The following PCDHGA1 variants were observed in gnomAD, a reference collection of about 807,000 sequenced individuals.
PCDHGA1 encodes the protein protocadherin gamma subfamily A, 1, also known as protocadherin gamma-A1.
In PCDHGA1, 32 loss-of-function variants were observed where a neutral mutation model predicts 58.0. The ratio of observed to expected loss-of-function variants is 0.55; its 90% CI spans 0.42 to 0.74. The LOEUF (loss-of-function observed/expected upper bound fraction) is 0.74. Ranked by LOEUF, PCDHGA1 falls within the 30% of genes least tolerant of loss-of-function variation. PCDHGA1 has a pLI of 0.00. For synonymous variants in PCDHGA1, 498 were observed against 501.1 expected, an observed-to-expected ratio of 0.99 and a Z score of 0.08; for missense variants, 1,205 against 1,182.3, an observed-to-expected ratio of 1.02 and a Z score of -0.28.
intron 1 of PCDHGA1, chr5:141,345,126 G>C (rs1757523003): frequency 6.2e-7 from 1 of 1,613,884 alleles, no homozygotes; most frequent in African/African-American, 1.3e-5. Flanking sequence ...CGTTGGAAGA[G>C]AAATTGCTCT....
At chr5:141,374,864 G>A (rs1342499165) in intron 1 of PCDHGA1, 4 of 1,613,748 alleles carry the variant, frequency 2.5e-6, no homozygotes, top group Non-Finnish European at 3.4e-6. Flanking sequence ...AGGCACACCA[G>A]TGTTGGCAGT....
At chr5:141,457,940 T>G (rs541807221) in intron 1 of PCDHGA1, among the ~76,000 whole-genome samples, 2 of 152,356 alleles carry the variant, frequency 1.3e-5, no homozygotes, top group East Asian at 3.9e-4. Flanking sequence ...TTTTATTGGC[T>G]CTGCATGTCA....
chr5:141,409,951 G>C (rs1480000390), intron 1 of PCDHGA1: 1 of 1,613,256 alleles, frequency 6.2e-7, no homozygotes, highest in Non-Finnish European at 8.5e-7. Flanking sequence ...GCTCTGCAGA[G>C]CCCGGCTACC....
intron 1 of PCDHGA1, among the ~76,000 whole-genome samples, chr5:141,381,960 G>A (rs1283229818): frequency 6.6e-6 from 1 of 150,482 alleles, no homozygotes; most frequent in East Asian, 2.0e-4. Flanking sequence ...CTCCTGAGTA[G>A]CTGGGATTAC....
At chr5:141,381,820 C>CT (rs1279410534) in intron 1 of PCDHGA1, among the ~76,000 whole-genome samples, 1,304 of 119,684 alleles carry the variant, frequency 0.011, 14 homozygotes, top group African/African-American at 0.028. Context: ...TTCTTTCTTT[C>CT]TTCTTCTTTT....
At chr5:141,341,386 G>A in intron 1 of PCDHGA1, 2 of 1,614,166 alleles carry the variant, frequency 1.2e-6, no homozygotes, top group Non-Finnish European at 1.7e-6. Flanking sequence ...GAGAAGAAAC[G>A]TTTTCTCAGG....
intron 1 of PCDHGA1, among the ~76,000 whole-genome samples, chr5:141,443,866 T>C (rs1017854695): frequency 6.6e-6 from 1 of 151,986 alleles, no homozygotes; most frequent in Non-Finnish European, 1.5e-5. Context: ...ACTGAAAAAA[T>C]TACTGATAAG....
At chr5:141,506,829 T>C (rs1449718553) in intron 3 of PCDHGA1, among the ~76,000 whole-genome samples, 1 of 152,182 alleles carries the variant, frequency 6.6e-6, no homozygotes, top group African/African-American at 2.4e-5. Context: ...CATGAACTGA[T>C]AGCCCTGCCC....
chr5:141,366,256 C>T (rs751677361), intron 1 of PCDHGA1: 9 of 1,613,584 alleles, frequency 5.6e-6, no homozygotes, highest in African/African-American at 2.7e-5. Context: ...AGCAGAGCCT[C>T]GTGGTGGCCG....
chr5:141,505,436 T>C lies in PCDHGA1; in HGVS notation c.2524T>C (p.Phe842Leu). 1.2e-6 allele frequency: 2 copies of C among 1,614,118 alleles called. No homozygotes were observed. The highest frequency in any genetic ancestry group is 1.7e-6 in the Non-Finnish European group (2 of 1,179,998). ...DDTGTWPNNQ[F>L]DTEMLQAMIL... is the part of the protein sequence containing the mutation. ...CACCGGCACCTGGCCCAACAACCAG[T>C]TTGACACAGAGATGCTGCAAGCCAT... Residue 842 changes from phenylalanine (F) to leucine (L), a missense_variant, in exon 3 of 4, where the codon TTT becomes CTT. Phe to Leu is a conservative substitution (Grantham distance 22). Coordinates refer to ENST00000517417, the MANE Select transcript of PCDHGA1 (RefSeq NM_018912.3).
chr5:141,375,578 G>T, intron 1 of PCDHGA1: 1 of 1,614,062 alleles, frequency 6.2e-7, no homozygotes, highest in Non-Finnish European at 8.5e-7. Flanking sequence ...CCTCCAGGGG[G>T]CGCCCCTGTC....
chr5:141,446,928 C>T (rs988582410), intron 1 of PCDHGA1, among the ~76,000 whole-genome samples: 14 of 152,132 alleles, frequency 9.2e-5, no homozygotes, highest in Non-Finnish European at 1.6e-4. Context: ...TTCCTGATCT[C>T]TTTTTCACTG....
chr5:141,417,632 C>T (rs1395400349), intron 1 of PCDHGA1: 3 of 714,288 alleles, frequency 4.2e-6, no homozygotes, highest in Non-Finnish European at 6.5e-6. Context: ...GCGCTGACGC[C>T]GGGGATCCCT....
rs768990626 is a variant in PCDHGA1, at chr5:141,427,590, C to T, written c.2422-67217C>T. On this transcript the variant is annotated intron_variant, in intron 1 of 3. Coordinates refer to ENST00000517417, the MANE Select transcript of PCDHGA1 (RefSeq NM_018912.3). ...GCCTCCGCTCTCATCCAGCACAAGCCTCACCCTACGCATTGGTGAAGTCAA... is the reference window on the plus strand; with the variant it reads ...GCCTCCGCTCTCATCCAGCACAAGCTTCACCCTACGCATTGGTGAAGTCAA... 44 of 678,892 alleles carry T rather than the reference C, an allele frequency of 6.5e-5. No individual in the cohort carries two copies. In the Admixed American group the frequency reaches 8.5e-4, roughly 13 times the overall value. The allele number at this position is 678,892 out of a possible 1,614,324, so 42.1% of individuals were successfully genotyped here.
At chr5:141,437,983 A>C (rs544812394) in intron 1 of PCDHGA1, among the ~76,000 whole-genome samples, 1 of 152,056 alleles carries the variant, frequency 6.6e-6, no homozygotes, top group Admixed American at 6.5e-5. Context: ...GGATGCACCC[A>C]CCCCACCTCA....
chr5:141,389,766 C>T (rs1217222336), intron 1 of PCDHGA1: 2 of 1,613,060 alleles, frequency 1.2e-6, no homozygotes, highest in East Asian at 4.5e-5. Context: ...GCGCACAGCG[C>T]GTGCCTTAGG....
chr5:141,366,147 ACCG>A, intron 1 of PCDHGA1: 1 of 1,614,152 alleles, frequency 6.2e-7, no homozygotes, highest in East Asian at 2.2e-5. Flanking sequence ...TGGCTGTCCT[ACCG>A]CCTGCTTAAG....
chr5:141,356,294 T>C (rs1309324816), intron 1 of PCDHGA1: 1 of 1,554,208 alleles, frequency 6.4e-7, no homozygotes, highest in Non-Finnish European at 8.7e-7. Flanking sequence ...CCGGGTACAG[T>C]AATTGCACTT....
chr5:141,478,624 T>C (rs1300260980), intron 1 of PCDHGA1: 3 of 1,554,196 alleles, frequency 1.9e-6, no homozygotes, highest in Non-Finnish European at 2.6e-6. Context: ...AATGGAGCTG[T>C]TTTTTTAGTG....
Sources: allele counts gnomAD v4.1 joint callset (sites outside exome capture counted in the v4.1 genomes callset), GRCh38; gene constraint gnomAD v4.1.1; transcripts MANE v1.5; gene names NCBI Gene and HGNC (gene_info 2026-07-23, HGNC 2026-07-21).